The following PSD3 variants were observed in gnomAD, a reference collection of about 807,000 sequenced individuals.
PSD3 encodes pleckstrin and Sec7 domain containing 3, also known as PH and SEC7 domain-containing protein 3.
PSD3 carries 49 observed loss-of-function variants against 105.5 expected under a neutral mutation model. The ratio of observed to expected loss-of-function variants is 0.46; its 90% CI spans 0.37 to 0.59. The LOEUF (loss-of-function observed/expected upper bound fraction) is 0.59, where lower values mean the gene tolerates loss of function less well. Ranked by LOEUF, PSD3 falls within the 20% of genes least tolerant of loss-of-function variation. The pLI, the probability that PSD3 is intolerant of heterozygous loss-of-function variation, is 0.00. For missense variants in PSD3, 1,561 were observed against 1,263.8 expected, an observed-to-expected ratio of 1.24 and a Z score of -3.57; for synonymous variants, 557 against 457.8, an observed-to-expected ratio of 1.22 and a Z score of -2.77.
intron 1 of PSD3, among the ~76,000 whole-genome samples, chr8:19,033,694 C>A (rs1506891): frequency 0.47 from 71,174 of 151,208 alleles, 17,604 homozygotes; most frequent in Non-Finnish European, 0.55. Context: ...CCTTGCCATT[C>A]ATACCCAATT....
upstream of PSD3, chr8:19,013,977 G>C (rs1281858003): frequency 6.6e-6 from 1 of 152,594 alleles, no homozygotes; most frequent in Non-Finnish European, 1.5e-5. Flanking sequence ...TCGCAGTGCA[G>C]CCCTCGAGCG....
At position 18,804,965 on chromosome 8, in the gene PSD3, T is replaced by C. The variant is rs1456492396; in HGVS notation, c.1635-67A>G. On this transcript the variant is annotated intron_variant, in intron 4 of 15. Coordinates refer to ENST00000327040, the MANE Select transcript of PSD3 (RefSeq NM_015310.4). ...ATATGGCAAAAAGGAAAATATCTGA[T>C]GAAATATTGATAGTTTTCTTTTAGT... 1.2e-5 allele frequency: 15 copies of C among 1,264,436 alleles called. No homozygotes were observed. The Admixed American group carries it at 1.5e-4, about 13-fold the overall frequency. 78.3% of individuals were successfully genotyped at this position (1,264,436 alleles called of 1,614,324 possible).
chr8:18,737,605 A>G (rs756388396), intron 9 of PSD3, among the ~76,000 whole-genome samples: 44 of 152,238 alleles, frequency 2.9e-4, no homozygotes, highest in Admixed American at 1.7e-3. Flanking sequence ...CTTGGCCTCT[A>G]TGCTATTTTC....
At chr8:18,948,425 C>G (rs1028592764) in intron 1 of PSD3, among the ~76,000 whole-genome samples, 1 of 152,102 alleles carries the variant, frequency 6.6e-6, no homozygotes, top group African/African-American at 2.4e-5. Context: ...GTCAGCCCAG[C>G]ATAATCAGGA....
chr8:19,046,791 G>A (rs1333030856), intron 1 of PSD3, among the ~76,000 whole-genome samples: 1 of 152,134 alleles, frequency 6.6e-6, no homozygotes, highest in East Asian at 1.9e-4. Context: ...CGACACTGCT[G>A]AACAGTAGTT....
At chr8:18,812,082 C>T (rs1811746768) in intron 4 of PSD3, among the ~76,000 whole-genome samples, 1 of 152,162 alleles carries the variant, frequency 6.6e-6, no homozygotes, top group Non-Finnish European at 1.5e-5. Flanking sequence ...TGAACACCGC[C>T]ACTCATTTGT....
chr8:18,724,060 G>A (rs1191546217), intron 9 of PSD3, among the ~76,000 whole-genome samples: 1 of 152,104 alleles, frequency 6.6e-6, no homozygotes, highest in Non-Finnish European at 1.5e-5. Context: ...TCTTTTGAGG[G>A]TTAATGATAA....
At chr8:18,926,919 G>T (rs971722117) in intron 2 of PSD3, among the ~76,000 whole-genome samples, 1 of 151,760 alleles carries the variant, frequency 6.6e-6, no homozygotes, top group African/African-American at 2.4e-5. Context: ...TTAGATGCCA[G>T]TTTCAAGCCC....
intron 9 of PSD3, among the ~76,000 whole-genome samples, chr8:18,687,862 G>A (rs931499919): frequency 6.6e-6 from 1 of 152,102 alleles, no homozygotes; most frequent in Admixed American, 6.5e-5. Context: ...CGCCTCCCGG[G>A]TTCAAGTAAT....
chr8:18,993,393 T>G (rs958897711), intron 1 of PSD3, among the ~76,000 whole-genome samples: 1 of 149,604 alleles, frequency 6.7e-6, no homozygotes, highest in East Asian at 1.9e-4. Context: ...AAAATAATTC[T>G]CAGAGTCTCA....
chr8:18,720,954 C>G (rs1802929201), intron 9 of PSD3: 1 of 152,012 alleles, frequency 6.6e-6, no homozygotes, highest in Admixed American at 6.6e-5. Flanking sequence ...TTAAAAAAGA[C>G]AAGATGAAGA....
At chr8:18,645,670 T>C (rs760898760) in intron 10 of PSD3, among the ~76,000 whole-genome samples, 4 of 152,180 alleles carry the variant, frequency 2.6e-5, no homozygotes, top group Admixed American at 6.5e-5. Context: ...TGTTAGGAAT[T>C]TGAGTACAGT....
At chr8:18,918,782 A>G (rs1225244408) in intron 2 of PSD3, among the ~76,000 whole-genome samples, 1 of 151,920 alleles carries the variant, frequency 6.6e-6, no homozygotes, top group East Asian at 1.9e-4. Flanking sequence ...CCACCCTCAA[A>G]GCCTCTCACC....
chr8:18,825,764 G>T (rs1006196764), intron 4 of PSD3, among the ~76,000 whole-genome samples: 1 of 152,124 alleles, frequency 6.6e-6, no homozygotes, highest in South Asian at 2.1e-4. Flanking sequence ...CTCATTGCTG[G>T]CTTTAAAAGC....
intron 1 of PSD3, among the ~76,000 whole-genome samples, chr8:19,034,454 T>G (rs563520632): frequency 1.6e-4 from 24 of 152,316 alleles, no homozygotes; most frequent in African/African-American, 5.8e-4. Flanking sequence ...AGTTTCTGCT[T>G]CATTACTTCC....
chr8:18,656,920 C>CA (rs1808940652), intron 9 of PSD3, among the ~76,000 whole-genome samples: 1 of 152,170 alleles, frequency 6.6e-6, no homozygotes, highest in Admixed American at 6.5e-5. Context: ...TTATAAGGAA[C>CA]ACACAAATGC....
At chr8:18,587,266 G>A (rs1189120607) in intron 12 of PSD3, among the ~76,000 whole-genome samples, 2 of 152,096 alleles carry the variant, frequency 1.3e-5, no homozygotes, top group African/African-American at 4.8e-5. Context: ...TAAGTCCTTT[G>A]AGTACCTGAG....
rs1802202160 is a variant in PSD3 at position 18,572,454 on chromosome 8, C to T, written c.2784+74G>A. On this transcript the variant is annotated intron_variant, in intron 14 of 15. Coordinates refer to ENST00000327040, the MANE Select transcript of PSD3 (RefSeq NM_015310.4). ...CTGCCCCCAAAACATGGACTACTAT[C>T]CAAAGACAAATATTTATCACATTAT... The T allele has an allele frequency of 2.6e-6, 4 of 1,544,080 alleles. No homozygotes were observed. In the South Asian group the frequency reaches 4.9e-5, roughly 19 times the overall value.
At chr8:18,907,870 A>G (rs983214473) in intron 2 of PSD3, among the ~76,000 whole-genome samples, 8 of 152,230 alleles carry the variant, frequency 5.3e-5, no homozygotes, top group African/African-American at 7.2e-5. Context: ...ACTTTTTTCA[A>G]TAAGTTGAAT....
Sources: allele counts gnomAD v4.1 joint callset (sites outside exome capture counted in the v4.1 genomes callset), GRCh38; gene constraint gnomAD v4.1.1; transcripts MANE v1.5; gene names NCBI Gene and HGNC (gene_info 2026-07-23, HGNC 2026-07-21).